The following SDHAF4 variants were observed in gnomAD, a reference collection of about 807,000 sequenced individuals.
The protein encoded by SDHAF4 is succinate dehydrogenase complex assembly factor 4, also known as succinate dehydrogenase assembly factor 4, mitochondrial.
SDHAF4 carries 14 observed loss-of-function variants against 14.3 expected under a neutral mutation model. The observed-to-expected ratio is 0.98, with a 90% CI of 0.65 to 1.53. The LOEUF (loss-of-function observed/expected upper bound fraction) is 1.53, where lower values mean the gene tolerates loss of function less well. Among genes scored for constraint, SDHAF4 ranks in the 40% most tolerant of loss-of-function variants. The pLI is 0.00. For missense variants in SDHAF4, 141 were observed against 129.3 expected, an observed-to-expected ratio of 1.09 and a Z score of -0.44; for synonymous variants, 63 against 47.3, an observed-to-expected ratio of 1.33 and a Z score of -1.36.
At chr6:70,586,873 A>G (rs933387257) in intron 2 of SDHAF4, among the ~76,000 whole-genome samples, 1 of 152,162 alleles carries the variant, frequency 6.6e-6, no homozygotes, top group Non-Finnish European at 1.5e-5. Flanking sequence ...CAGTTTAAGA[A>G]TTAGGGGCCA....
chr6:70,570,933 A>G (rs895688025), intron 1 of SDHAF4, among the ~76,000 whole-genome samples: 2 of 151,924 alleles, frequency 1.3e-5, no homozygotes, highest in African/African-American at 4.8e-5. Flanking sequence ...TTGGATTTAC[A>G]TTTACTTACA....
At chr6:70,594,136 A>G (rs538708627), downstream of SDHAF4, among the ~76,000 whole-genome samples, 1 of 152,330 alleles carries the variant, frequency 6.6e-6, no homozygotes, top group Admixed American at 6.5e-5. Flanking sequence ...GGAAGTAGAT[A>G]AATTGTTTTC....
intron 1 of SDHAF4, among the ~76,000 whole-genome samples, chr6:70,575,848 G>GAAC (rs1167992011): frequency 4.6e-5 from 7 of 152,140 alleles, no homozygotes; most frequent in African/African-American, 1.7e-4. Context: ...ACCACCCCTT[G>GAAC]AAGTAGAAGA....
At chr6:70,592,312 G>T (rs1376129198), downstream of SDHAF4, among the ~76,000 whole-genome samples, 1 of 152,122 alleles carries the variant, frequency 6.6e-6, no homozygotes. Context: ...GGAGGAGCAG[G>T]GTGGAAAAAG....
chr6:70,581,511 A>G (rs892985047), intron 2 of SDHAF4, among the ~76,000 whole-genome samples: 4 of 152,196 alleles, frequency 2.6e-5, no homozygotes, highest in Non-Finnish European at 5.9e-5. Context: ...AACCTTTGAC[A>G]GTGTTAACTA....
intron 1 of SDHAF4, 88 bp downstream of exon 1, chr6:70,567,092 G>C (rs1802107275): frequency 3.0e-6 from 4 of 1,322,780 alleles, no homozygotes; most frequent in African/African-American, 2.9e-5. Context: ...AGGAAGCCGC[G>C]TGTGTCCTGG....
At chr6:70,584,410 C>T (rs925129982) in intron 2 of SDHAF4, among the ~76,000 whole-genome samples, 4 of 152,302 alleles carry the variant, frequency 2.6e-5, no homozygotes, top group African/African-American at 9.6e-5. Context: ...ATCCTCTCCC[C>T]ACCTCCTCCC....
chr6:70,588,666 G>A lies in SDHAF4; in HGVS notation c.269G>A (p.Gly90Asp), dbSNP rs904994351. ...PVTKEKGGPRGPEPTRYGDWE... is the reference protein window; with the variant it reads ...PVTKEKGGPRDPEPTRYGDWE... The stretch of plus-strand genomic sequence containing the variant: ...ACCAAAGAAAAAGGTGGACCCAGGG[G>A]CCCAGAACCTACCCGATATGGAGAT... Residue 90 changes from glycine to aspartate, a missense_variant, in exon 3 of 3, where the codon GGC becomes GAC. Coordinates refer to ENST00000370474, the MANE Select transcript of SDHAF4 (RefSeq NM_145267.3). The A allele has an allele frequency of 5.0e-6, 8 of 1,604,186 alleles. No homozygotes were observed. In the South Asian group the frequency reaches 6.7e-5, roughly 13 times the overall value.
At chr6:70,590,791 G>C (rs7341224), downstream of SDHAF4, among the ~76,000 whole-genome samples, 62,020 of 151,932 alleles carry the variant, frequency 0.41, 13,324 homozygotes, top group African/African-American at 0.52. Flanking sequence ...CAATAGGAGA[G>C]AGAGAGATTA....
At chr6:70,574,942 A>T (rs1422915582) in intron 1 of SDHAF4, among the ~76,000 whole-genome samples, 1 of 152,100 alleles carries the variant, frequency 6.6e-6, no homozygotes, top group Non-Finnish European at 1.5e-5. Context: ...AAACAACAAA[A>T]ATCTTCCAGT....
chr6:70,570,484 G>A (rs62421877), intron 1 of SDHAF4, among the ~76,000 whole-genome samples: 21,133 of 151,972 alleles, frequency 0.14, 1,905 homozygotes, highest in Middle Eastern at 0.22. Context: ...CACCATGCCC[G>A]GCTAATTTTT....
chr6:70,592,309 C>T (rs2128536956), downstream of SDHAF4, among the ~76,000 whole-genome samples: 1 of 152,204 alleles, frequency 6.6e-6, no homozygotes, highest in South Asian at 2.1e-4. Flanking sequence ...TTTGGAGGAG[C>T]AGGGTGGAAA....
chr6:70,567,128 C>T lies in SDHAF4; in HGVS notation c.64+124C>T, dbSNP rs538267532. ...CCGTTCGGTGTTGCCAGGGGCTGCC[C>T]AGCTTCTCCCGCCCAGCCGCCCACC... On this transcript the variant is annotated intron_variant, in intron 1 of 2. Coordinates refer to ENST00000370474, the MANE Select transcript of SDHAF4 (RefSeq NM_145267.3). 3,345 of 944,582 alleles carry T rather than the reference C, an allele frequency of 3.5e-3. 8 individuals are homozygous for T. Among genetic ancestry groups the T allele is most frequent in the Non-Finnish European group, 4.2e-3 (2,696 of 644,242 alleles). The allele number at this position is 944,582 out of a possible 1,614,324, so 58.5% of individuals were successfully genotyped here.
chr6:70,597,753 T>A, the SDHAF4 span, among the ~76,000 whole-genome samples: 2 of 152,206 alleles, frequency 1.3e-5, no homozygotes, highest in Non-Finnish European at 2.9e-5. Context: ...CATTTTATAA[T>A]CAAATGTGTT....
At chr6:70,572,161 C>T (rs896430171) in intron 1 of SDHAF4, among the ~76,000 whole-genome samples, 3 of 147,360 alleles carry the variant, frequency 2.0e-5, no homozygotes, top group East Asian at 2.0e-4. Flanking sequence ...CTCCACCTCC[C>T]GGGTTCTAGT....
downstream of SDHAF4, among the ~76,000 whole-genome samples, chr6:70,591,922 G>A (rs749193530): frequency 1.3e-5 from 2 of 152,188 alleles, no homozygotes; most frequent in Non-Finnish European, 2.9e-5. Context: ...TTCATTTATG[G>A]GTTAATGGAC....
At chr6:70,597,299 A>ATTTTTTTTTTTTTTTTTTTTTTTTT in the SDHAF4 span, among the ~76,000 whole-genome samples, 2 of 108,100 alleles carry the variant, frequency 1.9e-5, no homozygotes, top group Non-Finnish European at 1.8e-5. Context: ...CGCCTGGCTA[A>ATTTTTTTTTTTTTTTTTTTTTTTTT]TTTTTTTTTT....
intron 1 of SDHAF4, among the ~76,000 whole-genome samples, chr6:70,569,504 G>C (rs1258284749): frequency 3.2e-4 from 48 of 151,812 alleles, no homozygotes; most frequent in Non-Finnish European, 4.4e-5. Flanking sequence ...TCGGCCTACC[G>C]AAGTGTTGGG....
At chr6:70,594,159 A>G (rs1283326203), downstream of SDHAF4, among the ~76,000 whole-genome samples, 2 of 152,224 alleles carry the variant, frequency 1.3e-5, no homozygotes, top group African/African-American at 4.8e-5. Flanking sequence ...AGGATCACAG[A>G]TAAGACTTTG....
Sources: allele counts gnomAD v4.1 joint callset (sites outside exome capture counted in the v4.1 genomes callset), GRCh38; gene constraint gnomAD v4.1.1; transcripts MANE v1.5; gene names NCBI Gene and HGNC (gene_info 2026-07-23, HGNC 2026-07-21).